The following AMBRA1 variants were observed in gnomAD, a reference collection of about 807,000 sequenced individuals.
AMBRA1 encodes autophagy and beclin 1 regulator 1.
Under a neutral mutation model 125.4 loss-of-function variants are expected in AMBRA1, and 47 were observed. That is an observed-to-expected ratio of 0.37 (90% CI 0.30 to 0.48). AMBRA1 has a LOEUF of 0.48. AMBRA1 is among the 20% of genes least tolerant of loss of function. The probability of loss-of-function intolerance (pLI) is 0.99; values close to 1 mark genes in which losing one functional copy is unlikely to be tolerated. For missense variants in AMBRA1, 1,331 were observed against 1,693.4 expected (o/e 0.79, Z 3.76); for synonymous variants, 626 against 655.5 (o/e 0.95, Z 0.69).
intron 15 of AMBRA1, among the ~76,000 whole-genome samples, chr11:46,416,823 A>G (rs1161909476): frequency 6.6e-6 from 1 of 152,166 alleles, no homozygotes; most frequent in Non-Finnish European, 1.5e-5. Context: ...CGCAGCAATC[A>G]ACCTGATCGG....
intron 11 of AMBRA1, among the ~76,000 whole-genome samples, chr11:46,451,122 AC>A (rs1292321914): frequency 1.3e-5 from 2 of 152,262 alleles, no homozygotes; most frequent in African/African-American, 4.8e-5. Flanking sequence ...CTATCATATA[AC>A]CACAGAAATT....
chr11:46,446,714 T>C (rs1353250283), intron 11 of AMBRA1, among the ~76,000 whole-genome samples: 3 of 152,226 alleles, frequency 2.0e-5, no homozygotes. Context: ...CACTGCCGAA[T>C]GTCCTCTGGG....
chr11:46,479,569 C>T (rs1445718666), intron 11 of AMBRA1, among the ~76,000 whole-genome samples: 6 of 151,610 alleles, frequency 4.0e-5, no homozygotes, highest in Admixed American at 6.6e-5. Context: ...TAGTGGCAGG[C>T]GCCTGTAATC....
At chr11:46,494,283 A>C (rs979610166) in intron 9 of AMBRA1, 79 bp from the exon 10 acceptor site, 3 of 1,259,164 alleles carry the variant, frequency 2.4e-6, no homozygotes, top group Non-Finnish European at 3.4e-6. Context: ...AAACATCCCC[A>C]AAATGACATT....
At chr11:46,413,901 G>A (rs1946410905) in intron 15 of AMBRA1, among the ~76,000 whole-genome samples, 1 of 152,224 alleles carries the variant, frequency 6.6e-6, no homozygotes, top group South Asian at 2.1e-4. Context: ...ATGAGTCACT[G>A]TTTGCTCTGG....
At chr11:46,548,140 C>G in intron 2 of AMBRA1, 106 bp downstream of exon 2, 1 of 1,496,194 alleles carries the variant, frequency 6.7e-7, no homozygotes, top group South Asian at 1.2e-5. Context: ...GTCAACTCTC[C>G]CACACAAGAT....
At chr11:46,545,554 CTA>C in intron 5 of AMBRA1, 48 bp downstream of exon 5, 1 of 1,580,356 alleles carries the variant, frequency 6.3e-7, no homozygotes, top group Non-Finnish European at 8.6e-7. Flanking sequence ...AGAATGTTCT[CTA>C]TCACGTCAGT....
At chr11:46,572,189 T>C (rs1302981244) in intron 1 of AMBRA1, among the ~76,000 whole-genome samples, 1 of 151,978 alleles carries the variant, frequency 6.6e-6, no homozygotes, top group Non-Finnish European at 1.5e-5. Context: ...TAATCCCAGC[T>C]ACTCGGGAGG....
At chr11:46,506,425 G>A (rs1051932262) in intron 9 of AMBRA1, among the ~76,000 whole-genome samples, 1 of 152,202 alleles carries the variant, frequency 6.6e-6, no homozygotes, top group Non-Finnish European at 1.5e-5. Context: ...GACAGCATCA[G>A]GAAGGCAAAT....
chr11:46,551,691 C>T (rs1173499330), intron 1 of AMBRA1, among the ~76,000 whole-genome samples: 1 of 151,076 alleles, frequency 6.6e-6, no homozygotes, highest in East Asian at 1.9e-4. Context: ...GCCAACATGG[C>T]AAAACCTACT....
chr11:46,569,441 ATATATATATAT>A (rs1162618232), intron 1 of AMBRA1, among the ~76,000 whole-genome samples: 4 of 119,550 alleles, frequency 3.3e-5, no homozygotes, highest in Non-Finnish European at 6.9e-5. Context: ...AAAAAAAAAA[ATATATATATAT>A]ATATATATAT....
chr11:46,517,933 G>T lies in AMBRA1; in HGVS notation c.2073-5120C>A, dbSNP rs4568980. 0.015 allele frequency among the ~76,000 whole-genome samples: 2,192 copies of T among 150,802 alleles called. 127 individuals are homozygous for T. The East Asian group carries it at 0.19, about 13-fold the overall frequency. On this transcript the variant is annotated intron_variant, in intron 7 of 17. Transcript: ENST00000683756. Reference sequence around the variant, plus strand: ...GTATACCCATATTCGTATATATATAGAGAGAGAGAGAACAAAAGAAGATAA... The same window carrying T: ...GTATACCCATATTCGTATATATATATAGAGAGAGAGAACAAAAGAAGATAA...
At position 46,529,162 on chromosome 11, in the gene AMBRA1, G is replaced by C. The variant is rs114101563; in HGVS notation, c.2072+12783C>G. 3.2e-3 allele frequency among the ~76,000 whole-genome samples: 491 copies of C among 152,282 alleles called. 5 individuals carry two copies. Among genetic ancestry groups the C allele is most frequent in the African/African-American group, 0.011 (470 of 41,548 alleles). ...CTCTGTCCAAGGTGCTCTGCAAAAGGTGCAGGCATTCTTCTCCAAGATTTT... is the reference window on the plus strand; with the variant it reads ...CTCTGTCCAAGGTGCTCTGCAAAAGCTGCAGGCATTCTTCTCCAAGATTTT... On this transcript the variant is annotated intron_variant, in intron 7 of 17. Transcript: ENST00000683756.
intron 8 of AMBRA1, among the ~76,000 whole-genome samples, chr11:46,510,367 T>G (rs747589012): frequency 1.3e-5 from 2 of 152,238 alleles, no homozygotes; most frequent in Admixed American, 6.5e-5. Flanking sequence ...TCGTGCACTG[T>G]TCTTATATCT....
chr11:46,496,805 TAAAAA>T (rs767496674), intron 9 of AMBRA1, among the ~76,000 whole-genome samples: 1 of 139,290 alleles, frequency 7.2e-6, no homozygotes. Flanking sequence ...TCCCTTCATT[TAAAAA>T]AAAAAAAAAA....
intron 8 of AMBRA1, among the ~76,000 whole-genome samples, chr11:46,508,622 G>C (rs1163634361): frequency 6.6e-6 from 1 of 152,204 alleles, no homozygotes; most frequent in African/African-American, 2.4e-5. Flanking sequence ...AGGAAAAGCT[G>C]CCCCTCCCCA....
intron 7 of AMBRA1, among the ~76,000 whole-genome samples, chr11:46,526,160 G>A (rs1198089610): frequency 3.3e-5 from 5 of 151,920 alleles, no homozygotes; most frequent in Admixed American, 6.6e-5. Flanking sequence ...ACCTGAGATC[G>A]CATTGTTTGC....
intron 11 of AMBRA1, 40 bp downstream of exon 11, chr11:46,493,568 G>A: frequency 6.6e-7 from 1 of 1,514,738 alleles, no homozygotes. Flanking sequence ...TGGCTCCTTG[G>A]CCCTTCACAT....
Position 46,508,302 on chromosome 11 carries a change from T to C in AMBRA1, c.2228A>G (p.Gln743Arg), listed in dbSNP as rs763567052. ...QYLSRRDSIR[Q>R]RSMRYQQNRL... ...GTTCTGTTGGTAGCGCATGGAGCGCTGGCGAATACTGTCTCTCCGTGAGAG... is the reference window on the plus strand; with the variant it reads ...GTTCTGTTGGTAGCGCATGGAGCGCCGGCGAATACTGTCTCTCCGTGAGAG... The change falls in exon 9 of 18, where the codon CAG (glutamine) becomes CGG (arginine). Residue 743 changes from glutamine (Q) to arginine (R), a missense_variant. This residue lies in a region of AMBRA1 where 689 missense variants were observed against 776.5 expected (regional missense o/e 0.89). Coordinates refer to ENST00000683756, the MANE Select transcript of AMBRA1 (RefSeq NM_001387011.1). 6.2e-7 allele frequency: 1 copy of C among 1,614,244 alleles called. No homozygotes were observed. Among genetic ancestry groups the C allele is most frequent in the Non-Finnish European group, 8.5e-7 (1 of 1,180,028 alleles).
Sources: allele counts gnomAD v4.1 joint callset (sites outside exome capture counted in the v4.1 genomes callset), GRCh38; gene constraint gnomAD v4.1.1; regional missense constraint gnomAD v4.1.1; transcripts MANE v1.5; gene names NCBI Gene and HGNC (gene_info 2026-07-23, HGNC 2026-07-21).